The following CYB5R3 variants were observed in gnomAD, a reference collection of about 807,000 sequenced individuals.
The protein encoded by CYB5R3 is NADH-cytochrome b5 reductase 3.
In CYB5R3, 28 loss-of-function variants were observed where a neutral mutation model predicts 36.5. That is an observed-to-expected ratio of 0.77 (90% CI 0.57 to 1.05). The LOEUF is 1.05. Ranked by LOEUF, CYB5R3 falls within the 50% of genes least tolerant of loss-of-function variation. The pLI is 0.00. For missense variants in CYB5R3, 474 were observed against 408.9 expected (o/e 1.16, Z -1.37); for synonymous variants, 181 against 159.8 (o/e 1.13, Z -1.00).
chr22:42,638,728 T>TTAA (rs1569324852), intron 1 of CYB5R3, among the ~76,000 whole-genome samples: 2 of 47,488 alleles, frequency 4.2e-5, no homozygotes, highest in African/African-American at 2.2e-4. Context: ...CAAGACTCCA[T>TTAA]AAAAAAAAAA....
intron 2 of CYB5R3, among the ~76,000 whole-genome samples, chr22:42,635,281 T>C (rs1046444545): frequency 6.6e-6 from 1 of 151,654 alleles, no homozygotes; most frequent in Non-Finnish European, 1.5e-5. Flanking sequence ...ATTTTTTGTA[T>C]TTTTAGTAGA....
At chr22:42,628,340 GC>G in intron 4 of CYB5R3, 59 bp from the exon 5 acceptor site, 1 of 1,605,918 alleles carries the variant, frequency 6.2e-7, no homozygotes, top group Non-Finnish European at 8.5e-7. Context: ...GCGAGCTCTT[GC>G]CCACAGTGGG....
intron 8 of CYB5R3, among the ~76,000 whole-genome samples, chr22:42,620,697 G>A (rs765717837): frequency 6.6e-6 from 1 of 152,198 alleles, no homozygotes; most frequent in Non-Finnish European, 1.5e-5. Context: ...ACGCTGTGAA[G>A]GTCCTGACGG....
intron 8 of CYB5R3, 138 bp from the exon 9 acceptor site, chr22:42,620,083 C>A: frequency 2.4e-6 from 2 of 847,796 alleles, no homozygotes; most frequent in Non-Finnish European, 3.9e-6. Flanking sequence ...CCAGGACCCC[C>A]TGCCCCCAAC....
chr22:42,647,068 G>T, intron 1 of CYB5R3: 4 of 743,884 alleles, frequency 5.4e-6, no homozygotes, highest in Non-Finnish European at 6.6e-6. Context: ...GCATGTCTTA[G>T]ATAAGACACC....
At position 42,628,220 on chromosome 22, in the gene CYB5R3, T is replaced by C. The variant is rs1477671120; in HGVS notation, c.395A>G (p.Glu132Gly). Residue 132 changes from glutamate to glycine, a missense_variant, in exon 5 of 9, where the codon GAG becomes GGG. By Grantham distance (98) the Glu-to-Gly change is moderately conservative. Transcript: ENST00000352397. ...PAGGKMSQYL[E>G]SMQIGDTIEF... ...AATGGTGTCTCCAATCTGCATGCTC[T>C]CCAGGTACTGAGACATCTTCCCTCC... The C allele has an allele frequency of 1.9e-6, 3 of 1,613,962 alleles. No homozygotes were observed. The highest frequency in any genetic ancestry group is 2.2e-5 in the South Asian group (2 of 91,090).
intron 1 of CYB5R3, among the ~76,000 whole-genome samples, chr22:42,639,337 GT>G (rs201181275): frequency 0.02 from 2,650 of 131,740 alleles, 98 homozygotes; most frequent in African/African-American, 0.071. Flanking sequence ...AAAAAAAAAA[GT>G]GGGGGGGGAC....
intron 1 of CYB5R3, among the ~76,000 whole-genome samples, chr22:42,648,202 A>T (rs137142): frequency 0.83 from 121,540 of 146,222 alleles, 48,978 homozygotes; most frequent in East Asian, 1. Flanking sequence ...TTTTGCCTGG[A>T]TCCCCAAGGA....
Position 42,631,184 on chromosome 22 carries a change from G to A in CYB5R3, c.226+194C>T, listed in dbSNP as rs980892951. The A allele has an allele frequency of 8.0e-6, 6 of 746,338 alleles. No individual in the cohort carries two copies. The African/African-American group carries it at 8.6e-5, about 11-fold the overall frequency. 46.2% of individuals were successfully genotyped at this position (746,338 alleles called of 1,614,324 possible). On this transcript the variant is annotated intron_variant, in intron 3 of 8. Coordinates refer to ENST00000352397, the MANE Select transcript of CYB5R3 (RefSeq NM_000398.7). ...TGCCTCCATGCCTTCACTCCTGCTG[G>A]TGCCACTGCCAGGGACTCTGGGCCT...
chr22:42,628,312 C>T (rs145205320), intron 4 of CYB5R3, 31 bp from the exon 5 acceptor site: 2 of 1,612,282 alleles, frequency 1.2e-6, no homozygotes, highest in African/African-American at 1.3e-5. Context: ...CCTCAGTCCC[C>T]AGCTCCAGGT....
At chr22:42,638,442 C>T (rs1320908541) in intron 1 of CYB5R3, among the ~76,000 whole-genome samples, 11 of 142,098 alleles carry the variant, frequency 7.7e-5, no homozygotes, top group Non-Finnish European at 9.1e-5. Flanking sequence ...CAGTGTCACA[C>T]GCCCGTGGTC....
chr22:42,624,185 A>C (rs1928141486), intron 7 of CYB5R3, among the ~76,000 whole-genome samples: 1 of 152,174 alleles, frequency 6.6e-6, no homozygotes, highest in South Asian at 2.1e-4. Context: ...AAATGGAAAA[A>C]ACTAAAGGCG....
At chr22:42,638,396 CA>C (rs1206825251) in intron 1 of CYB5R3, among the ~76,000 whole-genome samples, 1,550 of 36,454 alleles carry the variant, frequency 0.043, 24 homozygotes, top group African/African-American at 0.15. Flanking sequence ...AACTCCATCT[CA>C]AAAAAAAAAA....
intron 3 of CYB5R3, 112 bp from the exon 4 acceptor site, chr22:42,631,100 G>T: frequency 9.6e-7 from 1 of 1,040,880 alleles, no homozygotes; most frequent in Non-Finnish European, 1.5e-6. Context: ...CTGGCCTGGC[G>T]TCAGCTCCCA....
intron 2 of CYB5R3, among the ~76,000 whole-genome samples, chr22:42,633,559 C>T (rs962160035): frequency 1.3e-5 from 2 of 152,152 alleles, no homozygotes; most frequent in Admixed American, 6.5e-5. Context: ...TCGAGGCGGG[C>T]GGATCACCTG....
intron 1 of CYB5R3, among the ~76,000 whole-genome samples, chr22:42,648,768 T>A (rs1395083768): frequency 6.6e-6 from 1 of 152,136 alleles, no homozygotes; most frequent in Non-Finnish European, 1.5e-5. Flanking sequence ...CAAAACCCTC[T>A]GACATAGTGA....
At chr22:42,643,190 G>A (rs1162274833) in intron 1 of CYB5R3, among the ~76,000 whole-genome samples, 1 of 152,174 alleles carries the variant, frequency 6.6e-6, no homozygotes, top group Admixed American at 6.5e-5. Flanking sequence ...ACAATTTGAG[G>A]AGGACGCTCT....
At chr22:42,638,770 C>T (rs574467985) in intron 1 of CYB5R3, among the ~76,000 whole-genome samples, 14 of 129,522 alleles carry the variant, frequency 1.1e-4, no homozygotes, top group Non-Finnish European at 1.5e-4. Context: ...CGGTGGCTCA[C>T]GCCTGTAATC....
intron 2 of CYB5R3, among the ~76,000 whole-genome samples, chr22:42,634,662 G>A (rs1185827274): frequency 1.4e-5 from 2 of 147,586 alleles, no homozygotes; most frequent in African/African-American, 5.1e-5. Context: ...GTCTTGCTCT[G>A]TAGCCCAGGC....
Sources: gnomAD v4.1 joint callset for allele counts (sites outside exome capture counted in the v4.1 genomes callset) on GRCh38, gnomAD v4.1.1 for gene constraint, MANE v1.5 for transcripts, NCBI Gene and HGNC (gene_info 2026-07-23, HGNC 2026-07-21) for gene names.